NCBP2L: variants seen among roughly 807,000 people sequenced by gnomAD.
NCBP2L encodes the protein nuclear cap binding protein subunit 2 like, also known as nuclear cap-binding protein subunit 2-like.
For synonymous variants in NCBP2L, 39 were observed against 19.2 expected (o/e 2.04, Z -2.70); for missense variants, 95 against 53.1 (o/e 1.79, Z -2.45).
intron 1 of NCBP2L, among the ~76,000 whole-genome samples, chrX:107,791,251 T>C (rs1000565903): frequency 9.6e-6 from 1 of 104,472 alleles, no homozygotes; most frequent in Non-Finnish European, 2.0e-5. Context: ...ACATTTATAC[T>C]TTTTTTTTTT....
rs1012647302 is a variant in NCBP2L at position 107,779,038 on chromosome X, G to A, written c.-73+1180G>A. On this transcript the variant is annotated intron_variant, in intron 1 of 1. Transcript: ENST00000509000. ...GAGACTAGAGAGACTAGTGAACAGA[G>A]GCTTGGGGCTGAGAACAGTGTGTAT... Among the ~76,000 whole-genome samples the A allele has an allele frequency of 7.2e-5, 8 of 111,671 alleles. 1 individual carries two copies. The Admixed American group carries it at 7.6e-4, about 11-fold the overall frequency.
chrX:107,790,600 C>T (rs747551053), intron 1 of NCBP2L, among the ~76,000 whole-genome samples: 4 of 111,346 alleles, frequency 3.6e-5, no homozygotes, highest in Non-Finnish European at 7.5e-5. Flanking sequence ...TTCATGCCTT[C>T]ATACACACTG....
intron 1 of NCBP2L, among the ~76,000 whole-genome samples, chrX:107,781,784 A>ATAGATATCTATATTTGTATATAGATATC (rs1930292024): frequency 2.7e-4 from 20 of 73,517 alleles, no homozygotes; most frequent in Non-Finnish European, 4.3e-4. Context: ...ATATAGATCT[A>ATAGATATCTATATTTGTATATAGATATC]TAGATATCTA....
intron 1 of NCBP2L, among the ~76,000 whole-genome samples, chrX:107,779,454 C>A (rs902396648): frequency 1.8e-5 from 2 of 112,066 alleles, no homozygotes; most frequent in African/African-American, 6.5e-5. Context: ...TTTTTTAGAA[C>A]GAGTCTTGCT....
At position 107,785,012 on chromosome X, in the gene NCBP2L, A is replaced by AGAAGGAAG. The variant is rs376629064; in HGVS notation, c.-73+7174_-73+7181dup. 4.3e-3 allele frequency among the ~76,000 whole-genome samples: 441 copies of AGAAGGAAG among 101,796 alleles called. 4 individuals carry two copies. The highest frequency in any genetic ancestry group is 0.015 in the African/African-American group (408 of 26,427). The allele number at this position is 101,796 out of a possible 115,157, so 88.4% of individuals were successfully genotyped here. On this transcript the variant is annotated intron_variant, in intron 1 of 1. Coordinates refer to ENST00000509000, the MANE Select transcript of NCBP2L (RefSeq NM_001348372.2). Reference sequence around the variant, plus strand: ...ACAAAAGAAAGAAGGAAGGAAAGAAAGAAGGAAGGAAGGAAGGAAGGAAGG... The same window carrying AGAAGGAAG: ...ACAAAAGAAAGAAGGAAGGAAAGAAAGAAGGAAGGAAGGAAGGAAGGAAGGAAGGAAGG...
At chrX:107,793,844 G>C (rs991704096) in intron 1 of NCBP2L, among the ~76,000 whole-genome samples, 8 of 112,187 alleles carry the variant, frequency 7.1e-5, no homozygotes, top group Admixed American at 1.9e-4. Context: ...CCATTTAACT[G>C]TTTTATGCCA....
intron 1 of NCBP2L, among the ~76,000 whole-genome samples, 155 bp downstream of exon 1, chrX:107,778,013 T>TG (rs200147129): frequency 1.1e-5 from 1 of 93,902 alleles, no homozygotes; most frequent in African/African-American, 4.1e-5. Flanking sequence ...TCTTCTTCGC[T>TG]TTTTTTTTTT....
rs60004182 is a variant in NCBP2L, at chrX:107,782,286, A to T, written c.-73+4428A>T. ...AAATATATATATATAAATATATATA[A>T]ATATATATATATAAATATATATATA... On this transcript the variant is annotated intron_variant, in intron 1 of 1. Transcript: ENST00000509000. Among the ~76,000 whole-genome samples, 10 of 21,005 alleles carry T rather than the reference A, an allele frequency of 4.8e-4. 1 individual carries two copies. In the African/African-American group the frequency reaches 5.7e-3, roughly 12 times the overall value. 18.2% of individuals were successfully genotyped at this position (21,005 alleles called of 115,157 possible).
chrX:107,780,655 A>G (rs1185348426), intron 1 of NCBP2L, among the ~76,000 whole-genome samples: 3 of 95,007 alleles, frequency 3.2e-5, no homozygotes, highest in Non-Finnish European at 6.2e-5. Flanking sequence ...TTTTTGACAG[A>G]GTCTTGCTTG....
intron 1 of NCBP2L, among the ~76,000 whole-genome samples, chrX:107,782,178 T>A (rs1467938291): frequency 9.9e-5 from 3 of 30,215 alleles, no homozygotes; most frequent in African/African-American, 3.8e-4. Flanking sequence ...TATATATATA[T>A]ATAAATATAT....
intron 1 of NCBP2L, among the ~76,000 whole-genome samples, chrX:107,781,408 C>T (rs191488997): frequency 8.4e-5 from 9 of 106,833 alleles, no homozygotes; most frequent in African/African-American, 2.7e-4. Flanking sequence ...CGGGTTCAAG[C>T]GATCCTCTCA....
At chrX:107,782,615 A>G (rs1930339439) in intron 1 of NCBP2L, among the ~76,000 whole-genome samples, 1 of 103,428 alleles carries the variant, frequency 9.7e-6, no homozygotes, top group South Asian at 4.3e-4. Context: ...ACATCTCCCA[A>G]TGTGTTCCCC....
chrX:107,783,358 C>CTTTTTTTTTTTTTTTT (rs769083822), intron 1 of NCBP2L, among the ~76,000 whole-genome samples: 2 of 61,995 alleles, frequency 3.2e-5, no homozygotes, highest in Non-Finnish European at 5.4e-5. Flanking sequence ...TGGCACTTGC[C>CTTTTTTTTTTTTTTTT]TTTTTTTTTT....
rs1930319350 is a variant in NCBP2L at position 107,782,272 on chromosome X, TATAA to T, written c.-73+4418_-73+4421del. On this transcript the variant is annotated intron_variant, in intron 1 of 1. Coordinates refer to ENST00000509000, the MANE Select transcript of NCBP2L (RefSeq NM_001348372.2). ...ATAAATATATATATAAATATATATA[TATAA>T]ATATATATAAATATATATATATAAA... Among the ~76,000 whole-genome samples, 17 of 25,603 alleles carry T rather than the reference TATAA, an allele frequency of 6.6e-4. 4 individuals carry two copies. In the African/African-American group the frequency reaches 8.1e-3, roughly 12 times the overall value. 22.2% of individuals were successfully genotyped at this position (25,603 alleles called of 115,157 possible).
At chrX:107,787,698 G>A (rs1286451984) in intron 1 of NCBP2L, among the ~76,000 whole-genome samples, 2 of 111,924 alleles carry the variant, frequency 1.8e-5, no homozygotes, top group Non-Finnish European at 3.8e-5. Context: ...CTCAACAATG[G>A]CTCTCAGCTC....
Position 107,785,538 on chromosome X carries a change from G to A in NCBP2L, c.-73+7680G>A, listed in dbSNP as rs778114146. Among the ~76,000 whole-genome samples, 6 of 111,411 alleles carry A rather than the reference G, an allele frequency of 5.4e-5. No individual in the cohort carries two copies. The South Asian group carries it at 1.9e-3, about 36-fold the overall frequency. ...ACCCAGAGTTCCCCCAGATACAATT[G>A]GTTTTCTTGCTAACAACTTCAGGGA... On this transcript the variant is annotated intron_variant, in intron 1 of 1. Coordinates refer to ENST00000509000, the MANE Select transcript of NCBP2L (RefSeq NM_001348372.2).
rs1388628835 is a variant in NCBP2L, at chrX:107,794,550, C to T, written c.330C>T (p.Cys110=). Residue 110 remains cysteine (C), a synonymous_variant, in exon 2 of 2, where the codon TGC becomes TGT. Coordinates refer to ENST00000509000, the MANE Select transcript of NCBP2L (RefSeq NM_001348372.2). ...CCTGCCTAGATGAATGGATTATCTGCACTGATTGGGATGTCGGTTTTAGAG... is the reference window on the plus strand; with the variant it reads ...CCTGCCTAGATGAATGGATTATCTGTACTGATTGGGATGTCGGTTTTAGAG... ...TGTCLDEWII[C]TDWDVGFREG... is the part of the protein sequence containing the mutation. 3.5e-6 allele frequency: 2 copies of T among 569,971 alleles called. No individual in the cohort carries two copies. The highest frequency in any genetic ancestry group is 2.2e-5 in the Admixed American group (1 of 45,166). The allele number at this position is 569,971 out of a possible 1,213,427, so 47.0% of individuals were successfully genotyped here.
In NCBP2L at chrX:107,781,692, C is replaced by CTCTCTCTCTATATATATATA. The variant is rs1395038482; in HGVS notation, c.-73+3835_-73+3836insCTCTCTCTATATATATATAT. Among the ~76,000 whole-genome samples the CTCTCTCTCTATATATATATA allele has an allele frequency of 1.1e-3, 73 of 66,905 alleles. 1 individual carries two copies. The highest frequency in any genetic ancestry group is 1.4e-3 in the Non-Finnish European group (54 of 39,781). The allele number at this position is 66,905 out of a possible 115,157, so 58.1% of individuals were successfully genotyped here. Reference sequence around the variant, plus strand: ...TATCTATCTATCTCTCTCTCTCTCTCTATATATATATATATATAGATCTAT... The same window carrying CTCTCTCTCTATATATATATA: ...TATCTATCTATCTCTCTCTCTCTCTCTCTCTCTCTATATATATATATATATATATATATATATAGATCTAT... On this transcript the variant is annotated intron_variant, in intron 1 of 1. Transcript: ENST00000509000.
intron 1 of NCBP2L, among the ~76,000 whole-genome samples, chrX:107,781,472 A>ATTTTTTTTTTTTTTTTTTTTTT (rs769639335): frequency 1.4e-5 from 1 of 73,865 alleles, no homozygotes; most frequent in African/African-American, 6.8e-5. Context: ...CGCCCGGCTA[A>ATTTTTTTTTTTTTTTTTTTTTT]TTTTTTTTTT....
Sources: allele counts gnomAD v4.1 joint callset (sites outside exome capture counted in the v4.1 genomes callset), GRCh38; gene constraint gnomAD v4.1.1; transcripts MANE v1.5; gene names NCBI Gene and HGNC (gene_info 2026-07-23, HGNC 2026-07-21).